Variants in DOCK3 observed in about 807,000 individuals in gnomAD.
DOCK3 encodes dedicator of cytokinesis 3, also known as dedicator of cytokinesis protein 3.
DOCK3 carries 60 observed loss-of-function variants against 265.6 expected under a neutral mutation model. That is an observed-to-expected ratio of 0.23 (90% CI 0.18 to 0.28). The LOEUF (loss-of-function observed/expected upper bound fraction) is 0.28. DOCK3 is among the 10% of genes least tolerant of loss of function. DOCK3 has a pLI of 1.00. For synonymous variants in DOCK3, 881 were observed against 938.0 expected (o/e 0.94, Z 1.11); for missense variants, 1,981 against 2,594.3 (o/e 0.76, Z 5.14).
intron 32 of DOCK3, among the ~76,000 whole-genome samples, chr3:51,328,604 TA>T (rs372897781): frequency 0.051 from 6,817 of 134,084 alleles, 451 homozygotes; most frequent in African/African-American, 0.16. Context: ...AGACCACTAT[TA>T]AAAAAAAAAA....
At chr3:50,773,624 A>T (rs1409033318) in intron 1 of DOCK3, among the ~76,000 whole-genome samples, 1 of 152,096 alleles carries the variant, frequency 6.6e-6, no homozygotes, top group Admixed American at 6.5e-5. Flanking sequence ...AGAACTGCTG[A>T]TGTTAATTTC....
At chr3:50,785,792 C>T (rs1348236954) in intron 2 of DOCK3, among the ~76,000 whole-genome samples, 1 of 151,982 alleles carries the variant, frequency 6.6e-6, no homozygotes, top group African/African-American at 2.4e-5. Flanking sequence ...TATGTCCTAT[C>T]CTGGTTTTGA....
chr3:50,892,597 C>G (rs1034677697), intron 4 of DOCK3, among the ~76,000 whole-genome samples: 6 of 152,070 alleles, frequency 3.9e-5, no homozygotes, highest in African/African-American at 1.4e-4. Context: ...GTGGGTGCTG[C>G]TTGAATGACC....
At position 51,312,450 on chromosome 3, in the gene DOCK3, C is replaced by G. The variant is rs758421092; in HGVS notation, c.3094-26C>G. On this transcript the variant is annotated intron_variant, in intron 29 of 52. Coordinates refer to ENST00000266037, the MANE Select transcript of DOCK3 (RefSeq NM_004947.5). ...ACAAGATTAAGTTCTTAGACTGTCA[C>G]ATTTTCTCTTTCTCTGTCTGTCTAG... The G allele has an allele frequency of 5.6e-6, 9 of 1,596,652 alleles. No homozygotes were observed. The South Asian group carries it at 9.9e-5, about 18-fold the overall frequency.
intron 9 of DOCK3, among the ~76,000 whole-genome samples, chr3:51,101,010 G>A (rs1219197498): frequency 6.7e-6 from 1 of 148,780 alleles, no homozygotes; most frequent in African/African-American, 2.5e-5. Context: ...TTGCTATGTT[G>A]CCCAGACTGA....
chr3:51,019,327 G>C (rs769089293), intron 5 of DOCK3, among the ~76,000 whole-genome samples: 37 of 151,794 alleles, frequency 2.4e-4, no homozygotes, highest in Non-Finnish European at 4.4e-5. Flanking sequence ...TAGTTGAACA[G>C]GCACCTCATG....
chr3:50,934,164 A>G, intron 5 of DOCK3, 87 bp downstream of exon 5: 1 of 900,360 alleles, frequency 1.1e-6, no homozygotes, highest in South Asian at 2.2e-5. Flanking sequence ...TGCATTTTAG[A>G]TTTCTGAATA....
chr3:51,249,359 AG>A (rs2079047841), intron 22 of DOCK3, among the ~76,000 whole-genome samples: 1 of 73,250 alleles, frequency 1.4e-5, no homozygotes, highest in Admixed American at 1.4e-4. Flanking sequence ...CCAGCCGCCC[AG>A]TCCGGGAGGG....
intron 1 of DOCK3, among the ~76,000 whole-genome samples, chr3:50,731,147 A>G (rs2038185723): frequency 6.6e-6 from 1 of 151,444 alleles, no homozygotes; most frequent in Non-Finnish European, 1.5e-5. Flanking sequence ...AAAAAAAAAA[A>G]GTTCCTTTTA....
chr3:50,712,304 TC>T (rs2036826077), intron 1 of DOCK3, among the ~76,000 whole-genome samples: 1 of 152,204 alleles, frequency 6.6e-6, no homozygotes, highest in Non-Finnish European at 1.5e-5. Context: ...ATAAATGTTC[TC>T]CTAAGCAGTT....
At chr3:51,202,290 AAGAG>A (rs1463508318) in intron 12 of DOCK3, among the ~76,000 whole-genome samples, 2 of 151,224 alleles carry the variant, frequency 1.3e-5, no homozygotes, top group African/African-American at 2.4e-5. Context: ...TAAAGAAAAA[AAGAG>A]AGAAGAATCA....
At chr3:51,239,574 G>GTTTTTTTTTTTTT (rs1560265802) in intron 21 of DOCK3, among the ~76,000 whole-genome samples, 3 of 146,632 alleles carry the variant, frequency 2.0e-5, no homozygotes, top group Non-Finnish European at 3.0e-5. Context: ...TTGTTTGTTT[G>GTTTTTTTTTTTTT]TTTTTTGTTT....
chr3:51,240,296 T>A (rs2078552635), intron 21 of DOCK3, among the ~76,000 whole-genome samples: 1 of 152,244 alleles, frequency 6.6e-6, no homozygotes, highest in African/African-American at 2.4e-5. Context: ...TTGATTGTGC[T>A]GTGGTCTGAG....
intron 22 of DOCK3, among the ~76,000 whole-genome samples, chr3:51,248,342 G>A (rs568289592): frequency 5.9e-5 from 9 of 152,364 alleles, no homozygotes; most frequent in East Asian, 1.9e-4. Context: ...GCAGGCGCGC[G>A]CTGCCACGCC....
chr3:50,895,890 C>T (rs2048870996), intron 4 of DOCK3, among the ~76,000 whole-genome samples: 1 of 152,098 alleles, frequency 6.6e-6, no homozygotes, highest in African/African-American at 2.4e-5. Flanking sequence ...TGTGTATGTG[C>T]CACATTTTCT....
intron 5 of DOCK3, among the ~76,000 whole-genome samples, chr3:50,948,625 T>C (rs2076507254): frequency 6.6e-6 from 1 of 151,836 alleles, no homozygotes; most frequent in African/African-American, 2.4e-5. Context: ...TTTCCTTTTC[T>C]TTTCTTTCCT....
intron 3 of DOCK3, among the ~76,000 whole-genome samples, chr3:50,856,094 G>A (rs906793423): frequency 6.6e-6 from 1 of 152,158 alleles, no homozygotes; most frequent in Admixed American, 6.5e-5. Context: ...TCACTGATGG[G>A]CATTTAGGTT....
At chr3:51,307,427 A>G (rs2082744647) in intron 27 of DOCK3, among the ~76,000 whole-genome samples, 1 of 152,156 alleles carries the variant, frequency 6.6e-6, no homozygotes, top group Admixed American at 6.6e-5. Flanking sequence ...CCATTCTTTA[A>G]TATCTGTATT....
At chr3:51,270,353 G>T (rs2108870235) in intron 23 of DOCK3, among the ~76,000 whole-genome samples, 1 of 152,322 alleles carries the variant, frequency 6.6e-6, no homozygotes. Context: ...TGGATCACTG[G>T]CTGCAGGGCT....
Sources: allele counts gnomAD v4.1 joint callset (sites outside exome capture counted in the v4.1 genomes callset), GRCh38; gene constraint gnomAD v4.1.1; transcripts MANE v1.5; gene names NCBI Gene and HGNC (gene_info 2026-07-23, HGNC 2026-07-21).